Variants in TK2 observed in about 807,000 individuals in gnomAD.
TK2 encodes thymidine kinase 2, mitochondrial.
TK2 carries 35 observed loss-of-function variants against 41.9 expected under a neutral mutation model. That is an observed-to-expected ratio of 0.84 (90% CI 0.64 to 1.11). The LOEUF is 1.11. Ranked by LOEUF, TK2 falls within the 50% of genes least tolerant of loss-of-function variation. The pLI is 0.00. For synonymous variants in TK2, 128 were observed against 129.1 expected (o/e 0.99, Z 0.06); for missense variants, 320 against 351.1 (o/e 0.91, Z 0.71).
intron 4 of TK2, among the ~76,000 whole-genome samples, chr16:66,535,226 G>A (rs1026789589): frequency 6.6e-6 from 1 of 152,210 alleles, no homozygotes; most frequent in Non-Finnish European, 1.5e-5. Flanking sequence ...TTGGTCTAGA[G>A]TGGAAACTTA....
intron 6 of TK2, among the ~76,000 whole-genome samples, chr16:66,528,781 G>C (rs928780555): frequency 2.0e-5 from 3 of 152,152 alleles, no homozygotes; most frequent in Admixed American, 2.0e-4. Flanking sequence ...GGTAAGCAGA[G>C]CTGCCTGGTG....
rs371742232 is a variant in TK2, at chr16:66,510,685, G to A, written c.*1283C>T. 12 of 152,300 alleles carry A rather than the reference G, an allele frequency of 7.9e-5. No homozygotes were observed. The highest frequency in any genetic ancestry group is 2.9e-4 in the African/African-American group (12 of 41,544). The allele number at this position is 152,300 out of a possible 1,614,324, so 9.4% of individuals were successfully genotyped here. A position where few individuals can be genotyped will look rare whatever the true frequency, so the allele number is the denominator to read the frequency against. On this transcript the variant is annotated 3_prime_UTR_variant, in exon 10 of 10. Coordinates refer to ENST00000544898, the MANE Select transcript of TK2 (RefSeq NM_004614.5). ...AGAGTTGAGCCTTAATCCTTTCCAG[G>A]GTTTGCATCTAGTCTTCTTGAAGCT...
chr16:66,519,025 G>C (rs1964700292), intron 6 of TK2, among the ~76,000 whole-genome samples: 1 of 151,768 alleles, frequency 6.6e-6, no homozygotes, highest in Middle Eastern at 3.2e-3. Context: ...GCAGTAGTGT[G>C]ATCTTGGCTC....
At chr16:66,548,049 A>T (rs1317681987) in intron 2 of TK2, 3 of 832,460 alleles carry the variant, frequency 3.6e-6, no homozygotes, top group Non-Finnish European at 5.2e-6. Context: ...CCTGGGCAAC[A>T]CAGCAAGACG....
At chr16:66,534,120 G>A (rs1965207281) in intron 4 of TK2, among the ~76,000 whole-genome samples, 2 of 151,380 alleles carry the variant, frequency 1.3e-5, no homozygotes, top group Admixed American at 6.6e-5. Flanking sequence ...GGCTTTATGA[G>A]AAAAGGGAGA....
intron 6 of TK2, 173 bp from the exon 7 acceptor site, chr16:66,518,050 G>A (rs951968758): frequency 3.8e-5 from 26 of 675,470 alleles, no homozygotes; most frequent in East Asian, 1.7e-4. Flanking sequence ...AAGCATTCCC[G>A]ACCTCCTGCT....
rs1964549215 is a variant in TK2, at chr16:66,514,504, C to G, written c.619-693G>C. On this transcript the variant is annotated intron_variant, in intron 8 of 9. Transcript: ENST00000544898. The surrounding 1 kb of genome is among the most constrained non-coding windows in gnomAD (Gnocchi z 4.2). ...CTCCCAGCCGCCTGCCTTGGCCTCCCAAAGTGCCGAGATTGCAGCCTCTGC... is the reference window on the plus strand; with the variant it reads ...CTCCCAGCCGCCTGCCTTGGCCTCCGAAAGTGCCGAGATTGCAGCCTCTGC... Among the ~76,000 whole-genome samples, 1 of 152,210 alleles carries G rather than the reference C, an allele frequency of 6.6e-6. No homozygotes were observed. Among genetic ancestry groups the G allele is most frequent in the Non-Finnish European group, 1.5e-5 (1 of 68,042 alleles).
rs1043059553 is a variant in TK2 at position 66,510,371 on chromosome 16, C to T, written c.*1597G>A. ...CAAAGGTTCTGCCTTCGCCAGTTTT[C>T]CAGCTAATTAGCAGCACGTGGGCTA... On this transcript the variant is annotated 3_prime_UTR_variant, in exon 10 of 10. Transcript: ENST00000544898. 4 of 152,256 alleles carry T rather than the reference C, an allele frequency of 2.6e-5. No individual in the cohort carries two copies. The highest frequency in any genetic ancestry group is 5.9e-5 in the Non-Finnish European group (4 of 68,060). The allele number at this position is 152,256 out of a possible 1,614,324, so 9.4% of individuals were successfully genotyped here.
At position 66,516,763 on chromosome 16, in the gene TK2, G is replaced by C. The variant is rs573193742; in HGVS notation, c.618+373C>G. ...GCAGTGAACAAGAGGGCTGGGTCCT[G>C]CCCTCCTGGAACTCGCATTCTAGGG... On this transcript the variant is annotated intron_variant, in intron 8 of 9. Coordinates refer to ENST00000544898, the MANE Select transcript of TK2 (RefSeq NM_004614.5). Among the ~76,000 whole-genome samples the C allele has an allele frequency of 2.6e-5, 4 of 152,250 alleles. No individual in the cohort carries two copies. In the East Asian group the frequency reaches 7.7e-4, roughly 29 times the overall value.
Position 66,531,398 on chromosome 16 carries a change from G to C in TK2, c.357C>G (p.Asp119Glu), listed in dbSNP as rs1376981144. 2 of 1,614,106 alleles carry C rather than the reference G, an allele frequency of 1.2e-6. No individual in the cohort carries two copies. Among genetic ancestry groups the C allele is most frequent in the African/African-American group, 2.7e-5 (2 of 74,926 alleles). The change falls in exon 5 of 10, where the codon GAC becomes GAG. Residue 119 changes from aspartate (D) to glutamate (E), a missense_variant. Asp to Glu is a conservative substitution (Grantham distance 45, BLOSUM62 2). Transcript: ENST00000544898. ...AACCTACCTGAGGACGAGTATGCCT[G>C]TCCAGCATGGTGAGCTGCACATAAG... The part of the protein sequence containing the change: ...LQTYVQLTML[D>E]RHTRPQVSSV...
At chr16:66,540,173 C>CTTTTTTTTTTTTTTTTTTTTTTT (rs200305417) in intron 3 of TK2, among the ~76,000 whole-genome samples, 4 of 130,782 alleles carry the variant, frequency 3.1e-5, no homozygotes, top group Non-Finnish European at 6.4e-5. Context: ...TTTCTTTTTT[C>CTTTTTTTTTTTTTTTTTTTTTTT]TTTTTTTTTT....
At chr16:66,543,841 G>A (rs1965528681) in intron 2 of TK2, among the ~76,000 whole-genome samples, 1 of 152,104 alleles carries the variant, frequency 6.6e-6, no homozygotes. Flanking sequence ...GTATCCAGGA[G>A]ACACAAGGCC....
chr16:66,518,000 G>A lies in TK2; in HGVS notation c.450-123C>T. 2 of 815,102 alleles carry A rather than the reference G, an allele frequency of 2.5e-6. No individual in the cohort carries two copies. The highest frequency in any genetic ancestry group is 4.3e-6 in the Non-Finnish European group (2 of 463,678). 50.5% of individuals were successfully genotyped at this position (815,102 alleles called of 1,614,324 possible). On this transcript the variant is annotated intron_variant, in intron 6 of 9. Coordinates refer to ENST00000544898, the MANE Select transcript of TK2 (RefSeq NM_004614.5). This position sits in a 1 kb window ranked among gnomAD's most constrained non-coding sequence, Gnocchi z 4.3. ...GTCACCAAGGGTACCAGGGCACAGT[G>A]TGATCCGTGCAATACTGGACATGCA...
intron 1 of TK2, 139 bp from the exon 2 acceptor site, chr16:66,549,148 C>T: frequency 6.5e-7 from 1 of 1,530,212 alleles, no homozygotes; most frequent in Non-Finnish European, 8.8e-7. Flanking sequence ...GGGCGCCCTC[C>T]GAGATTGGAG....
intron 1 of TK2, chr16:66,549,331 A>G (rs1281045010): frequency 2.6e-6 from 3 of 1,159,992 alleles, no homozygotes; most frequent in Admixed American, 4.3e-5. Flanking sequence ...AACAGCCTCC[A>G]CTCGCGGTGC....
Position 66,512,045 on chromosome 16 carries a change from T to C in TK2, c.721A>G (p.Met241Val). 2.5e-6 allele frequency: 4 copies of C among 1,614,158 alleles called. No individual in the cohort carries two copies. Among genetic ancestry groups the C allele is most frequent in the Non-Finnish European group, 3.4e-6 (4 of 1,180,026 alleles). Residue 241 changes from methionine to valine, a missense_variant, in exon 10 of 10, where the codon ATG (methionine) becomes GTG (valine). Coordinates refer to ENST00000544898, the MANE Select transcript of TK2 (RefSeq NM_004614.5). ...PVLVIEADHH[M>V]ERMLELFEQN... ...TCAAAGAGTTCTAACATCCTCTCCATGTGGTGGTCAGCCTCAATCACCTGG... is the reference window on the plus strand; with the variant it reads ...TCAAAGAGTTCTAACATCCTCTCCACGTGGTGGTCAGCCTCAATCACCTGG...
chr16:66,540,251 C>T, intron 3 of TK2, among the ~76,000 whole-genome samples: 1 of 150,400 alleles, frequency 6.6e-6, no homozygotes, highest in Non-Finnish European at 1.5e-5. Flanking sequence ...TGGCTCACCA[C>T]AGCCTCAACC....
At chr16:66,529,160 A>G in intron 5 of TK2, 93 bp from the exon 6 acceptor site, 1 of 1,196,544 alleles carries the variant, frequency 8.4e-7, no homozygotes, top group South Asian at 1.2e-5. Context: ...CTGCCTGGGG[A>G]CTTTGCTGAA....
chr16:66,543,561 G>C (rs1404351385), intron 2 of TK2, among the ~76,000 whole-genome samples: 7 of 152,196 alleles, frequency 4.6e-5, no homozygotes, highest in Admixed American at 3.9e-4. Context: ...CTGCTGCACA[G>C]AGGCCTGTTC....
Sources: allele counts gnomAD v4.1 joint callset (sites outside exome capture counted in the v4.1 genomes callset), GRCh38; gene constraint gnomAD v4.1.1; non-coding constraint Gnocchi (gnomAD v3.1); transcripts MANE v1.5; gene names NCBI Gene and HGNC (gene_info 2026-07-23, HGNC 2026-07-21).